Variants in SLC6A17 observed in about 807,000 individuals in gnomAD.
SLC6A17 encodes the protein sodium-dependent neutral amino acid transporter SLC6A17.
In SLC6A17, 21 loss-of-function variants were observed where a neutral mutation model predicts 64.5. The observed-to-expected ratio is 0.33, with a 90% CI of 0.23 to 0.47. The LOEUF (loss-of-function observed/expected upper bound fraction) is 0.47. SLC6A17 is among the 20% of genes least tolerant of loss of function. The probability of loss-of-function intolerance (pLI) is 1.00; values close to 1 mark genes in which losing one functional copy is unlikely to be tolerated. For missense variants in SLC6A17, 682 were observed against 963.2 expected (o/e 0.71, Z 3.86); for synonymous variants, 372 against 399.5 (o/e 0.93, Z 0.82).
chr1:110,181,021 C>T (rs1320745003), intron 6 of SLC6A17, among the ~76,000 whole-genome samples: 2 of 152,050 alleles, frequency 1.3e-5, no homozygotes, highest in East Asian at 1.9e-4. Context: ...ATGATGAATG[C>T]GATGTGGCCA....
chr1:110,172,431 A>G (rs1656267312), intron 3 of SLC6A17: 1 of 621,208 alleles, frequency 1.6e-6, no homozygotes, highest in Non-Finnish European at 2.7e-6. Context: ...CTGAAACAGC[A>G]TGGAAGATTT....
At chr1:110,198,043 C>A (rs762427434) in intron 11 of SLC6A17, 33 bp from the exon 12 acceptor site, 1 of 1,576,702 alleles carries the variant, frequency 6.3e-7, no homozygotes, top group African/African-American at 1.3e-5. Context: ...TGTCACAGTG[C>A]CGGCAGCAGC....
At chr1:110,195,526 C>T in intron 9 of SLC6A17, 60 bp from the exon 10 acceptor site, 2 of 1,596,962 alleles carry the variant, frequency 1.3e-6, no homozygotes, top group Non-Finnish European at 1.7e-6. Context: ...CCCCCGAGAC[C>T]CCCAGGGCCC....
chr1:110,198,521 G>C lies in SLC6A17; in HGVS notation c.*77G>C. On this transcript the variant is annotated 3_prime_UTR_variant, in exon 12 of 12. Transcript: ENST00000331565. Reference sequence around the variant, plus strand: ...GTCCAGGCCTGGCCTCTTTCTTGAGGTGGCCACCAGGCCCAGGCCAGGCCC... The same window carrying C: ...GTCCAGGCCTGGCCTCTTTCTTGAGCTGGCCACCAGGCCCAGGCCAGGCCC... 1 of 1,529,228 alleles carries C rather than the reference G, an allele frequency of 6.5e-7. No individual in the cohort carries two copies. The highest frequency in any genetic ancestry group is 8.8e-7 in the Non-Finnish European group (1 of 1,142,728). The allele number at this position is 1,529,228 out of a possible 1,614,324, so 94.7% of individuals were successfully genotyped here.
At chr1:110,156,037 G>A (rs1655750279) in intron 1 of SLC6A17, among the ~76,000 whole-genome samples, 1 of 152,174 alleles carries the variant, frequency 6.6e-6, no homozygotes, top group African/African-American at 2.4e-5. Flanking sequence ...CTAAAGGAAG[G>A]AGAGCAGATG....
intron 10 of SLC6A17, among the ~76,000 whole-genome samples, 197 bp from the exon 11 acceptor site, chr1:110,197,240 G>C (rs1310544834): frequency 6.6e-6 from 1 of 152,222 alleles, no homozygotes; most frequent in Non-Finnish European, 1.5e-5. Flanking sequence ...GACGGAATCA[G>C]AAGAGGTTAG....
rs551106795 is a variant in SLC6A17 at position 110,167,010 on chromosome 1, C to T, written c.81C>T (p.Leu27=). ...VTESVADLLA[L]EEPVDYKQSV... ...AGTCCGTGGCCGACCTGCTGGCCCTCGAGGAGCCTGTGGACTATAAGCAGA... is the reference window on the plus strand; with the variant it reads ...AGTCCGTGGCCGACCTGCTGGCCCTTGAGGAGCCTGTGGACTATAAGCAGA... The change falls in exon 2 of 12, where the codon CTC becomes CTT. Residue 27 remains leucine (L), a synonymous_variant. Coordinates refer to ENST00000331565, the MANE Select transcript of SLC6A17 (RefSeq NM_001010898.4). The T allele has an allele frequency of 4.3e-6, 7 of 1,613,136 alleles. No homozygotes were observed. Among genetic ancestry groups the T allele is most frequent in the South Asian group, 2.2e-5 (2 of 90,906 alleles).
intron 1 of SLC6A17, among the ~76,000 whole-genome samples, chr1:110,152,690 G>A (rs1298278834): frequency 6.6e-6 from 1 of 152,196 alleles, no homozygotes; most frequent in African/African-American, 2.4e-5. Context: ...TCTGCCATGT[G>A]CCAGTGGGGT....
intron 1 of SLC6A17, among the ~76,000 whole-genome samples, chr1:110,165,130 G>T (rs1461968205): frequency 6.6e-6 from 1 of 152,182 alleles, no homozygotes; most frequent in Non-Finnish European, 1.5e-5. Flanking sequence ...CTGTTTGCAT[G>T]CCCTGCAGAC....
At chr1:110,154,336 T>C (rs1655695790) in intron 1 of SLC6A17, among the ~76,000 whole-genome samples, 1 of 152,220 alleles carries the variant, frequency 6.6e-6, no homozygotes, top group Non-Finnish European at 1.5e-5. Flanking sequence ...TTCATGTTCC[T>C]AACCTCTATG....
chr1:110,168,375 G>A (rs901573961), intron 2 of SLC6A17, among the ~76,000 whole-genome samples: 2 of 152,236 alleles, frequency 1.3e-5, no homozygotes, highest in Non-Finnish European at 2.9e-5. Context: ...ATTTGGCTGG[G>A]AGGCTTCTCC....
At chr1:110,158,041 A>G (rs1171798388) in intron 1 of SLC6A17, among the ~76,000 whole-genome samples, 1 of 152,174 alleles carries the variant, frequency 6.6e-6, no homozygotes, top group African/African-American at 2.4e-5. Flanking sequence ...ACTATCAGAT[A>G]TAGTGTATGT....
In SLC6A17 at chr1:110,192,324, C is replaced by G. The variant is rs556459096; in HGVS notation, c.1106+111C>G. ...GGGAGAGAGGTCCCCTCCACTCAGA[C>G]TGAGGAATGGAGATCAGAGGAGCAC... On this transcript the variant is annotated intron_variant, in intron 7 of 11. Transcript: ENST00000331565. The surrounding 1 kb of genome is among the most constrained non-coding windows in gnomAD (Gnocchi z 4.3). 312 of 1,503,448 alleles carry G rather than the reference C, an allele frequency of 2.1e-4. No individual in the cohort carries two copies. Among genetic ancestry groups the G allele is most frequent in the Non-Finnish European group, 2.7e-4 (299 of 1,109,912 alleles). 93.1% of individuals were successfully genotyped at this position (1,503,448 alleles called of 1,614,324 possible).
Position 110,192,155 on chromosome 1 carries a change from G to C in SLC6A17, c.1048G>C (p.Val350Leu). The change falls in exon 7 of 12, where the codon GTG (valine) becomes CTG (leucine). Residue 350 changes from valine (V) to leucine (L), a missense_variant. Around this residue, in one of 3 missense-constraint regions of SLC6A17, gnomAD observed 415 missense variants for 603.8 expected, o/e 0.69. Coordinates refer to ENST00000331565, the MANE Select transcript of SLC6A17 (RefSeq NM_001010898.4). The surrounding 1 kb of genome is among the most constrained non-coding windows in gnomAD (Gnocchi z 4.3). The stretch of plus-strand genomic sequence containing the variant: ...CTTCACGTCAGTGTTGGCCACCCTC[G>C]TGGTGTTTGCTGTGCTGGGCTTCAA... ...NFFTSVLATL[V>L]VFAVLGFKAN... 1 of 1,614,162 alleles carries C rather than the reference G, an allele frequency of 6.2e-7. No individual in the cohort carries two copies. The highest frequency in any genetic ancestry group is 8.5e-7 in the Non-Finnish European group (1 of 1,180,012).
chr1:110,167,244 G>T (rs1219916779), intron 2 of SLC6A17, 29 bp downstream of exon 2: 3 of 1,591,908 alleles, frequency 1.9e-6, no homozygotes, highest in East Asian at 2.2e-5. Flanking sequence ...TGCATCAGGG[G>T]TCCCCTGCAA....
At chr1:110,169,370 A>G (rs563462053) in intron 2 of SLC6A17, among the ~76,000 whole-genome samples, 2 of 152,318 alleles carry the variant, frequency 1.3e-5, no homozygotes, top group African/African-American at 2.4e-5. Flanking sequence ...AGCTTATGAA[A>G]TGGCCATTTT....
Position 110,192,471 on chromosome 1 carries a change from C to T in SLC6A17, c.1107-35C>T. The stretch of plus-strand genomic sequence containing the variant: ...GGATCTCACCCATTGCCCACCCCTG[C>T]CTTCTTACCTGGTCCTCTCGGTTTT... On this transcript the variant is annotated intron_variant, in intron 7 of 11. Coordinates refer to ENST00000331565, the MANE Select transcript of SLC6A17 (RefSeq NM_001010898.4). The surrounding 1 kb of genome is among the most constrained non-coding windows in gnomAD (Gnocchi z 4.3). The T allele has an allele frequency of 6.3e-7, 1 of 1,584,182 alleles. No homozygotes were observed. The highest frequency in any genetic ancestry group is 8.6e-7 in the Non-Finnish European group (1 of 1,164,278).
intron 1 of SLC6A17, among the ~76,000 whole-genome samples, chr1:110,160,874 G>A (rs546391377): frequency 6.6e-5 from 10 of 152,098 alleles, no homozygotes; most frequent in Non-Finnish European, 1.0e-4. Context: ...TCTAGAAGAT[G>A]CCACTGAAGG....
At position 110,192,628 on chromosome 1, in the gene SLC6A17, T is replaced by G. The variant is rs1316492749; in HGVS notation, c.1229T>G (p.Met410Arg). Reference protein sequence around the residue: ...KDYMEMYNVIMTVKEDQFSAL... With the variant: ...KDYMEMYNVIRTVKEDQFSAL... ...TACATGGAGATGTACAATGTCATCATGACCGTGAAGGAGGACCAGTTCTCA... is the reference window on the plus strand; with the variant it reads ...TACATGGAGATGTACAATGTCATCAGGACCGTGAAGGAGGACCAGTTCTCA... The change falls in exon 8 of 12, where the codon ATG becomes AGG. Residue 410 changes from methionine to arginine, a missense_variant. Met to Arg is a moderately conservative substitution (Grantham distance 91, BLOSUM62 -1). Around this residue, in one of 3 missense-constraint regions of SLC6A17, gnomAD observed 415 missense variants for 603.8 expected, o/e 0.69. Transcript: ENST00000331565. The surrounding 1 kb of genome is among the most constrained non-coding windows in gnomAD (Gnocchi z 4.3). The G allele has an allele frequency of 6.2e-7, 1 of 1,614,184 alleles. No individual in the cohort carries two copies. Among genetic ancestry groups the G allele is most frequent in the South Asian group, 1.1e-5 (1 of 91,080 alleles).
Sources: allele counts gnomAD v4.1 joint callset (sites outside exome capture counted in the v4.1 genomes callset), GRCh38; gene constraint gnomAD v4.1.1; regional missense constraint gnomAD v4.1.1; non-coding constraint Gnocchi (gnomAD v3.1); transcripts MANE v1.5; gene names NCBI Gene and HGNC (gene_info 2026-07-23, HGNC 2026-07-21).